The following LOC400499 variants were observed in gnomAD, a reference collection of about 807,000 sequenced individuals.
the LOC400499 span, among the ~76,000 whole-genome samples, chr16:11,498,579 C>G: frequency 6.6e-6 from 1 of 152,132 alleles, no homozygotes; most frequent in African/African-American, 2.4e-5. Context: ...CCCTCACTCC[C>G]CACTTCCCAC....
chr16:11,453,954 C>A, the LOC400499 span, among the ~76,000 whole-genome samples: 58 of 152,172 alleles, frequency 3.8e-4, no homozygotes, highest in Non-Finnish European at 7.6e-4. Context: ...GAGAAAATTA[C>A]ACAGACCAAA....
the LOC400499 span, chr16:11,514,476 A>G: frequency 2.5e-6 from 1 of 399,458 alleles, no homozygotes; most frequent in Non-Finnish European, 4.4e-6. Context: ...TCTGTGCAGG[A>G]GGCCTCCCTC....
the LOC400499 span, among the ~76,000 whole-genome samples, chr16:11,386,488 G>T: frequency 6.6e-6 from 1 of 152,238 alleles, no homozygotes; most frequent in Non-Finnish European, 1.5e-5. Context: ...GGGAGCCCTG[G>T]GCCTGGGTGT....
the LOC400499 span, among the ~76,000 whole-genome samples, chr16:11,438,156 G>A: frequency 8.5e-5 from 13 of 152,160 alleles, no homozygotes; most frequent in South Asian, 2.5e-3. Flanking sequence ...CACAAAGAGG[G>A]TTTAGAACAG....
chr16:11,373,160 T>C, the LOC400499 span, among the ~76,000 whole-genome samples: 1 of 152,136 alleles, frequency 6.6e-6, no homozygotes, highest in Non-Finnish European at 1.5e-5. Flanking sequence ...GGGAGCTCAC[T>C]GTGTGGGTGA....
chr16:11,483,299 C>T, the LOC400499 span, among the ~76,000 whole-genome samples: 9 of 152,148 alleles, frequency 5.9e-5, no homozygotes, highest in African/African-American at 1.2e-4. Flanking sequence ...TCTAGCCACA[C>T]CTACTAATTA....
the LOC400499 span, chr16:11,448,140 G>A: frequency 1.3e-6 from 2 of 1,488,430 alleles, no homozygotes; most frequent in East Asian, 5.0e-5. Context: ...CTGCCTTGCA[G>A]GAAGGCAAGA....
At chr16:11,390,756 C>G in the LOC400499 span, among the ~76,000 whole-genome samples, 237 of 152,314 alleles carry the variant, frequency 1.6e-3, 1 homozygote, top group African/African-American at 5.5e-3. Flanking sequence ...ACTGTTTGTA[C>G]AAACGTGGTT....
the LOC400499 span, among the ~76,000 whole-genome samples, chr16:11,436,406 G>A: frequency 2.0e-5 from 3 of 152,152 alleles, no homozygotes; most frequent in East Asian, 3.9e-4. Flanking sequence ...GTGCTGAAGG[G>A]AGCAGTGGGG....
At chr16:11,491,153 G>T in the LOC400499 span, among the ~76,000 whole-genome samples, 1 of 152,204 alleles carries the variant, frequency 6.6e-6, no homozygotes, top group African/African-American at 2.4e-5. Flanking sequence ...AAGGCATACA[G>T]GAAGGAAGAG....
the LOC400499 span, chr16:11,387,155 TCAGCCAGCACGTTGGCCC>T: frequency 8.1e-7 from 1 of 1,232,160 alleles, no homozygotes; most frequent in Non-Finnish European, 1.0e-6. Flanking sequence ...CCAGTAGTAC[TCAGCCAGCACGTTGGCCC>T]CAGACAGCTC....
chr16:11,399,562 G>A, the LOC400499 span: 2 of 398,676 alleles, frequency 5.0e-6, no homozygotes, highest in Non-Finnish European at 8.8e-6. Flanking sequence ...TGAAGGCCCC[G>A]CAGGCCTGGA....
chr16:11,472,627 G>A, the LOC400499 span: 1 of 152,124 alleles, frequency 6.6e-6, no homozygotes, highest in African/African-American at 2.4e-5. Flanking sequence ...TAACCTCTCT[G>A]GGTCTCAATG....
At chr16:11,460,903 A>T in the LOC400499 span, 41 of 1,462,156 alleles carry the variant, frequency 2.8e-5, no homozygotes, top group Non-Finnish European at 3.6e-6. Context: ...CCACAGCCCT[A>T]GGAAACAGGG....
chr16:11,380,352 C>T, the LOC400499 span, among the ~76,000 whole-genome samples: 4 of 151,662 alleles, frequency 2.6e-5, no homozygotes, highest in Non-Finnish European at 4.4e-5. Context: ...GGACACAAGG[C>T]GGGCAGATCA....
At chr16:11,441,479 G>C in the LOC400499 span, among the ~76,000 whole-genome samples, 2 of 152,238 alleles carry the variant, frequency 1.3e-5, no homozygotes, top group Non-Finnish European at 2.9e-5. Context: ...CTGTGCTAGA[G>C]TGAAAGAATG....
At chr16:11,381,856 A>C in the LOC400499 span, among the ~76,000 whole-genome samples, 1 of 151,424 alleles carries the variant, frequency 6.6e-6, no homozygotes, top group Non-Finnish European at 1.5e-5. Context: ...TCTGCAGTTT[A>C]GTTCTGATGG....
the LOC400499 span, chr16:11,392,519 C>G: frequency 5.0e-6 from 2 of 399,222 alleles, no homozygotes; most frequent in African/African-American, 2.1e-5. Flanking sequence ...CAGAAAGGGA[C>G]CTGCTGGTGC....
At chr16:11,420,848 A>T in the LOC400499 span, among the ~76,000 whole-genome samples, 4 of 152,148 alleles carry the variant, frequency 2.6e-5, no homozygotes, top group Admixed American at 2.6e-4. Flanking sequence ...CTCCCCGATT[A>T]TGCCTGTGTA....
Sources: allele counts gnomAD v4.1 joint callset (sites outside exome capture counted in the v4.1 genomes callset), GRCh38; gene constraint gnomAD v4.1.1; transcripts MANE v1.5.